The following MYO1D variants were observed in gnomAD, a reference collection of about 807,000 sequenced individuals.
MYO1D encodes the protein myosin ID, also known as unconventional myosin-Id.
In MYO1D, 83 loss-of-function variants were observed where a neutral mutation model predicts 122.0. That is an observed-to-expected ratio of 0.68 (90% confidence interval 0.57 to 0.82). MYO1D has a LOEUF of 0.82. Ranked by LOEUF, MYO1D falls within the 40% of genes least tolerant of loss-of-function variation. The pLI is 0.00. For missense variants in MYO1D, 1,157 were observed against 1,269.5 expected (o/e 0.91, Z 1.35); for synonymous variants, 464 against 446.9 (o/e 1.04, Z -0.48).
At chr17:32,670,148 G>A (rs1344179460) in intron 16 of MYO1D, among the ~76,000 whole-genome samples, 1 of 151,888 alleles carries the variant, frequency 6.6e-6, no homozygotes, top group Non-Finnish European at 1.5e-5. Flanking sequence ...TGCCCTCATT[G>A]GCCTCCCAAA....
At chr17:32,688,649 T>G (rs548593835) in intron 16 of MYO1D, among the ~76,000 whole-genome samples, 31 of 152,302 alleles carry the variant, frequency 2.0e-4, no homozygotes, top group African/African-American at 7.2e-4. Context: ...AACAATGTCG[T>G]GCTATGGCAT....
chr17:32,851,790 C>T (rs2090991912), intron 1 of MYO1D, among the ~76,000 whole-genome samples: 1 of 152,200 alleles, frequency 6.6e-6, no homozygotes, highest in Non-Finnish European at 1.5e-5. Flanking sequence ...AGGGTTTGCA[C>T]TCCTCTGAAA....
chr17:32,605,533 A>C (rs1242585505), intron 20 of MYO1D, among the ~76,000 whole-genome samples: 1 of 152,184 alleles, frequency 6.6e-6, no homozygotes, highest in African/African-American at 2.4e-5. Flanking sequence ...GAAGGAAATA[A>C]TAAAGAGCAG....
At chr17:32,750,937 C>T (rs2089892370) in intron 11 of MYO1D, among the ~76,000 whole-genome samples, 1 of 152,118 alleles carries the variant, frequency 6.6e-6, no homozygotes, top group South Asian at 2.1e-4. Context: ...CTTATTAACC[C>T]CTTTTACAAA....
chr17:32,780,588 T>C lies in MYO1D; in HGVS notation c.292A>G (p.Ile98Val), dbSNP rs1408293177. ...CCCCTCCAATTACCTGATATCACAA[T>C]ACAAGTGTCTTTTGATCGCCTCTTC... Reference protein sequence around the residue: ...AMKRRSKDTCIVISGESGAGK... With the variant: ...AMKRRSKDTCVVISGESGAGK... The change falls in exon 2 of 22, where the codon ATT (isoleucine) becomes GTT (valine). Residue 98 changes from isoleucine to valine, a missense_variant. Transcript: ENST00000318217. 6 of 1,613,932 alleles carry C rather than the reference T, an allele frequency of 3.7e-6. No homozygotes were observed. Among genetic ancestry groups the C allele is most frequent in the Non-Finnish European group, 5.1e-6 (6 of 1,179,966 alleles).
chr17:32,791,363 C>CAA (rs60741553), intron 1 of MYO1D, among the ~76,000 whole-genome samples: 1,840 of 47,888 alleles, frequency 0.038, 69 homozygotes, highest in African/African-American at 0.098. Flanking sequence ...GACTCCGTCT[C>CAA]AAAAAAAAAA....
chr17:32,595,168 G>T (rs1481977392), intron 21 of MYO1D, among the ~76,000 whole-genome samples: 2 of 152,194 alleles, frequency 1.3e-5, no homozygotes. Context: ...ATAGCCAGAA[G>T]TTGGTTAACG....
At chr17:32,527,622 G>A (rs1240910993) in intron 21 of MYO1D, among the ~76,000 whole-genome samples, 3 of 150,044 alleles carry the variant, frequency 2.0e-5, no homozygotes, top group African/African-American at 7.4e-5. Flanking sequence ...GTGAGACCCC[G>A]TCTATACTAA....
chr17:32,788,000 T>C (rs777342012), intron 1 of MYO1D, among the ~76,000 whole-genome samples: 1 of 152,208 alleles, frequency 6.6e-6, no homozygotes, highest in Non-Finnish European at 1.5e-5. Flanking sequence ...CATTGGTTCA[T>C]GGGCATTTAG....
chr17:32,720,635 A>G (rs1005335210), intron 15 of MYO1D, among the ~76,000 whole-genome samples: 1 of 152,192 alleles, frequency 6.6e-6, no homozygotes, highest in Non-Finnish European at 1.5e-5. Flanking sequence ...TTAATTTCTC[A>G]TAACAGTCCT....
In MYO1D at chr17:32,778,664, G is replaced by C. The variant is rs557226550; in HGVS notation, c.305-91C>G. 13 of 1,149,914 alleles carry C rather than the reference G, an allele frequency of 1.1e-5. No individual in the cohort carries two copies. The African/African-American group carries it at 1.6e-4, about 14-fold the overall frequency. 71.2% of individuals were successfully genotyped at this position (1,149,914 alleles called of 1,614,324 possible). On this transcript the variant is annotated intron_variant, in intron 2 of 21. Transcript: ENST00000318217. ...AGAATAATTTAAAAATCTGATACTG[G>C]TGATGCATTTAAAATCCCACATGTT...
chr17:32,631,698 G>A lies in MYO1D; in HGVS notation c.2709+7024C>T, dbSNP rs190861683. On this transcript the variant is annotated intron_variant, in intron 20 of 21. Coordinates refer to ENST00000318217, the MANE Select transcript of MYO1D (RefSeq NM_015194.3). ...AACTGGGGAAATTTAAATATGTACT[G>A]AATATTAGATGATATTATGGAAATA... Among the ~76,000 whole-genome samples the A allele has an allele frequency of 3.5e-3, 539 of 152,016 alleles. 1 individual carries two copies. The highest frequency in any genetic ancestry group is 5.4e-3 in the Non-Finnish European group (364 of 67,978).
intron 21 of MYO1D, among the ~76,000 whole-genome samples, chr17:32,555,826 C>G (rs1364829806): frequency 6.6e-6 from 1 of 152,190 alleles, no homozygotes; most frequent in Non-Finnish European, 1.5e-5. Context: ...ATACTAAGTT[C>G]TTTTCTGCCT....
At chr17:32,654,820 GGT>G (rs775832665) in intron 17 of MYO1D, among the ~76,000 whole-genome samples, 199 bp from the exon 18 acceptor site, 1 of 152,120 alleles carries the variant, frequency 6.6e-6, no homozygotes, top group Non-Finnish European at 1.5e-5. Flanking sequence ...TGGGATTACA[GGT>G]GTGTGCCACC....
chr17:32,629,412 G>A (rs1316296460), intron 20 of MYO1D, among the ~76,000 whole-genome samples: 1 of 152,050 alleles, frequency 6.6e-6, no homozygotes, highest in Non-Finnish European at 1.5e-5. Context: ...AGGAAGGAAT[G>A]CAAAATGTGA....
chr17:32,800,035 T>C (rs1426550129), intron 1 of MYO1D, among the ~76,000 whole-genome samples: 1 of 152,078 alleles, frequency 6.6e-6, no homozygotes, highest in Non-Finnish European at 1.5e-5. Context: ...AAAAATGAGA[T>C]AAGAAGTGTT....
chr17:32,727,160 C>G (rs2089587176), intron 14 of MYO1D, among the ~76,000 whole-genome samples: 1 of 152,162 alleles, frequency 6.6e-6, no homozygotes, highest in Non-Finnish European at 1.5e-5. Context: ...CATTTGGCAC[C>G]AATCTCTTCA....
intron 21 of MYO1D, among the ~76,000 whole-genome samples, chr17:32,538,626 G>T (rs1910736933): frequency 6.6e-6 from 1 of 151,854 alleles, no homozygotes; most frequent in Non-Finnish European, 1.5e-5. Context: ...ATAGTCAAAG[G>T]TCAATAGATG....
chr17:32,686,788 C>A (rs749375004), intron 16 of MYO1D, among the ~76,000 whole-genome samples: 2 of 152,170 alleles, frequency 1.3e-5, no homozygotes, highest in Middle Eastern at 3.4e-3. Flanking sequence ...ATCACCTGAG[C>A]CCCAGAGGCT....
Sources: allele counts gnomAD v4.1 joint callset (sites outside exome capture counted in the v4.1 genomes callset), GRCh38; gene constraint gnomAD v4.1.1; transcripts MANE v1.5; gene names NCBI Gene and HGNC (gene_info 2026-07-23, HGNC 2026-07-21).